The following LTBP2 variants were observed in gnomAD, a reference collection of about 807,000 sequenced individuals.
LTBP2 encodes the protein latent-transforming growth factor beta-binding protein 2.
LTBP2 carries 103 observed loss-of-function variants against 210.6 expected under a neutral mutation model. The observed-to-expected ratio is 0.49, with a 90% CI of 0.42 to 0.58. LTBP2 has a LOEUF of 0.58. Ranked by LOEUF, LTBP2 falls within the 20% of genes least tolerant of loss-of-function variation. The pLI is 0.00. For synonymous variants in LTBP2, 1,007 were observed against 1,015.0 expected (o/e 0.99, Z 0.15); for missense variants, 2,313 against 2,494.5 (o/e 0.93, Z 1.55).
At chr14:74,502,578 G>T in intron 34 of LTBP2, 75 bp downstream of exon 34, 1 of 1,587,812 alleles carries the variant, frequency 6.3e-7, no homozygotes, top group South Asian at 1.1e-5. Context: ...CTGGCAATAT[G>T]ACTAGCAGGT....
intron 18 of LTBP2, 131 bp downstream of exon 18, chr14:74,516,691 A>G (rs1194171768): frequency 8.1e-7 from 1 of 1,236,436 alleles, no homozygotes; most frequent in Non-Finnish European, 1.1e-6. Context: ...GTCTCTGTCC[A>G]TAGACGTGGG....
At chr14:74,524,611 G>C (rs1001804211) in intron 15 of LTBP2, among the ~76,000 whole-genome samples, 1 of 149,946 alleles carries the variant, frequency 6.7e-6, no homozygotes. Flanking sequence ...CCCCACACCC[G>C]CCCCTCGCCC....
In LTBP2 at chr14:74,509,311, G is replaced by A; in HGVS notation, c.3330C>T (p.Asn1110=). ...CCTTGCAGGAGAAGGAGCCAGCCGT[G>A]TTGGTGCAGACTCCGGAGGGGCAGA... The part of the protein sequence containing the change: ...PGVCPSGVCT[N]TAGSFSCKDC... The change falls in exon 22 of 36, where the codon AAC becomes AAT. Residue 1110 remains asparagine (N), a synonymous_variant. Transcript: ENST00000261978. 1 of 1,613,712 alleles carries A rather than the reference G, an allele frequency of 6.2e-7. No homozygotes were observed.
intron 2 of LTBP2, among the ~76,000 whole-genome samples, chr14:74,596,382 G>T (rs1195400456): frequency 6.6e-6 from 1 of 152,156 alleles, no homozygotes; most frequent in Non-Finnish European, 1.5e-5. Context: ...GAGTGGCCAG[G>T]GCAGCCCCTC....
At chr14:74,512,925 C>T (rs761971346) in intron 18 of LTBP2, among the ~76,000 whole-genome samples, 48 of 151,598 alleles carry the variant, frequency 3.2e-4, no homozygotes, top group Non-Finnish European at 5.5e-4. Flanking sequence ...GACCTGTTGG[C>T]CTTGGCCAAG....
chr14:74,599,043 C>T (rs1425391504), intron 2 of LTBP2, among the ~76,000 whole-genome samples: 1 of 152,160 alleles, frequency 6.6e-6, no homozygotes, highest in Admixed American at 6.5e-5. Flanking sequence ...ATATGAAGTG[C>T]TTAGAATGGT....
chr14:74,609,628 C>T (rs1426826130), intron 1 of LTBP2, among the ~76,000 whole-genome samples: 1 of 152,166 alleles, frequency 6.6e-6, no homozygotes, highest in Admixed American at 6.5e-5. Flanking sequence ...CACCTCCAGG[C>T]CCCCCTCCTG....
At chr14:74,564,375 A>T (rs866536389) in intron 3 of LTBP2, among the ~76,000 whole-genome samples, 24 of 59,630 alleles carry the variant, frequency 4.0e-4, no homozygotes, top group South Asian at 2.6e-3. Flanking sequence ...ATTTATATAT[A>T]TATATTTATA....
intron 18 of LTBP2, among the ~76,000 whole-genome samples, chr14:74,515,860 A>G (rs1352147948): frequency 2.0e-5 from 3 of 152,134 alleles, no homozygotes; most frequent in African/African-American, 7.2e-5. Context: ...GAGGACCAAG[A>G]GGGAGGCATT....
At chr14:74,524,717 C>T (rs977854729) in intron 15 of LTBP2, among the ~76,000 whole-genome samples, 4 of 152,192 alleles carry the variant, frequency 2.6e-5, no homozygotes, top group East Asian at 3.9e-4. Flanking sequence ...CAGCCCTCCC[C>T]GTGGGCAGGC....
chr14:74,525,821 G>T (rs371704040), intron 14 of LTBP2, among the ~76,000 whole-genome samples: 1 of 152,194 alleles, frequency 6.6e-6, no homozygotes, highest in East Asian at 1.9e-4. Flanking sequence ...GTGCTAAGTG[G>T]TGCCATGAAA....
intron 3 of LTBP2, among the ~76,000 whole-genome samples, chr14:74,560,215 A>C (rs1186128269): frequency 6.6e-6 from 1 of 152,246 alleles, no homozygotes; most frequent in East Asian, 1.9e-4. Context: ...ATTTCACGAA[A>C]GAAAAGACAT....
intron 3 of LTBP2, among the ~76,000 whole-genome samples, chr14:74,574,603 C>T (rs2088031107): frequency 6.6e-6 from 1 of 152,176 alleles, no homozygotes; most frequent in African/African-American, 2.4e-5. Context: ...TGATGATGAA[C>T]TGGAAAAGGT....
intron 18 of LTBP2, among the ~76,000 whole-genome samples, chr14:74,513,395 C>T (rs575649876): frequency 6.6e-6 from 1 of 152,356 alleles, no homozygotes; most frequent in South Asian, 2.1e-4. Flanking sequence ...CTCCAGAGTG[C>T]TCTTTTATTC....
Position 74,611,666 on chromosome 14 carries a change from C to G in LTBP2, c.279G>C (p.Gly93=), listed in dbSNP as rs1323781048. ...QPVERAQPGW[G]SPRRPTEAEA... is the part of the protein sequence containing the mutation. ...CCGCCTCGGTGGGCCTCCTGGGGCTCCCCCAGCCCGGCTGGGCCCGCTCCA... is the reference window on the plus strand; with the variant it reads ...CCGCCTCGGTGGGCCTCCTGGGGCTGCCCCAGCCCGGCTGGGCCCGCTCCA... Residue 93 remains glycine (G), a synonymous_variant, in exon 1 of 36, where the codon GGG becomes GGC. Coordinates refer to ENST00000261978, the MANE Select transcript of LTBP2 (RefSeq NM_000428.3). The G allele has an allele frequency of 1.3e-6, 2 of 1,560,374 alleles. No homozygotes were observed. Among genetic ancestry groups the G allele is most frequent in the East Asian group, 4.7e-5 (2 of 42,704 alleles).
intron 3 of LTBP2, among the ~76,000 whole-genome samples, chr14:74,581,992 T>C (rs926015753): frequency 8.6e-5 from 13 of 151,408 alleles, no homozygotes; most frequent in Admixed American, 2.6e-4. Context: ...GTTGCCCATG[T>C]TGTGACAAAG....
chr14:74,569,235 C>T (rs1490965010), intron 3 of LTBP2, among the ~76,000 whole-genome samples: 1 of 151,924 alleles, frequency 6.6e-6, no homozygotes, highest in Non-Finnish European at 1.5e-5. Context: ...GAACAAAATC[C>T]TTGTCAGTTG....
intron 34 of LTBP2, chr14:74,501,905 T>G: frequency 6.7e-6 from 3 of 449,668 alleles, no homozygotes; most frequent in Non-Finnish European, 8.2e-6. Flanking sequence ...TGTTGCTACA[T>G]AGTTTTTGGG....
chr14:74,508,180 A>C, intron 24 of LTBP2, 85 bp from the exon 25 acceptor site: 2 of 1,512,430 alleles, frequency 1.3e-6, no homozygotes, highest in Non-Finnish European at 1.8e-6. Context: ...GGCCCTGAGT[A>C]GCCCATAGGA....
Sources: allele counts gnomAD v4.1 joint callset (sites outside exome capture counted in the v4.1 genomes callset), GRCh38; gene constraint gnomAD v4.1.1; transcripts MANE v1.5; gene names NCBI Gene and HGNC (gene_info 2026-07-23, HGNC 2026-07-21).